The following TOX2 variants were observed in gnomAD, a reference collection of about 807,000 sequenced individuals.
TOX2 encodes TOX high mobility group box family member 2.
TOX2 carries 15 observed loss-of-function variants against 47.4 expected under a neutral mutation model. The observed-to-expected ratio is 0.32, with a 90% CI of 0.21 to 0.49. TOX2 has a LOEUF of 0.49. Among genes scored for constraint, TOX2 ranks in the 20% least tolerant of loss-of-function variants. The probability of loss-of-function intolerance (pLI) is 0.99; values close to 1 mark genes in which losing one functional copy is unlikely to be tolerated. For missense variants in TOX2, 622 were observed against 673.1 expected (o/e 0.92, Z 0.84); for synonymous variants, 290 against 296.6 (o/e 0.98, Z 0.23).
intron 1 of TOX2, among the ~76,000 whole-genome samples, chr20:43,951,728 T>TTTTTTTTTTTTTTTTTTTTTTTTG (rs1344889572): frequency 2.1e-5 from 3 of 144,040 alleles, no homozygotes; most frequent in South Asian, 2.3e-4. Context: ...TTTTTTTTTT[T>TTTTTTTTTTTTTTTTTTTTTTTTG]AGAGAAAGGG....
rs369127109 is a variant in TOX2 at position 43,927,638 on chromosome 20, TCCTCC to T, written c.99+12652_99+12656del. ...CTTCCTTCCTTCCTCCTTCCTTCCT[TCCTCC>T]CCTTCCCTTCCCTTCCCCTTCCTTC... On this transcript the variant is annotated intron_variant, in intron 1 of 8. Coordinates refer to ENST00000341197, the MANE Select transcript of TOX2 (RefSeq NM_001098797.2). Among the ~76,000 whole-genome samples the T allele has an allele frequency of 4.1e-4, 50 of 122,604 alleles. 1 individual carries two copies. The highest frequency in any genetic ancestry group is 1.2e-3 in the East Asian group (4 of 3,216). The allele number at this position is 122,604 out of a possible 152,430, so 80.4% of individuals were successfully genotyped here.
At position 44,069,006 on chromosome 20, in the gene TOX2, G is replaced by GC; in HGVS notation, c.*323dup. 2.1e-6 allele frequency: 1 copy of GC among 484,316 alleles called. No individual in the cohort carries two copies. 30.0% of individuals were successfully genotyped at this position (484,316 alleles called of 1,614,324 possible). A position where few individuals can be genotyped will look rare whatever the true frequency, so the allele number is the denominator to read the frequency against. ...ACACCCGGCCCCAGCTCCAGCCCCA[G>GC]CCCAGGTGGGCCGCCCCTGGCGGGG... On this transcript the variant is annotated 3_prime_UTR_variant, in exon 9 of 9. Coordinates refer to ENST00000341197, the MANE Select transcript of TOX2 (RefSeq NM_001098797.2).
At chr20:43,942,686 A>G (rs569213073) in intron 1 of TOX2, among the ~76,000 whole-genome samples, 20 of 151,550 alleles carry the variant, frequency 1.3e-4, no homozygotes, top group Non-Finnish European at 2.5e-4. Flanking sequence ...ACCCTGTCTC[A>G]ATAAATAAAT....
At chr20:43,968,007 G>A (rs1004568499) in intron 1 of TOX2, among the ~76,000 whole-genome samples, 9 of 152,160 alleles carry the variant, frequency 5.9e-5, no homozygotes, top group African/African-American at 2.2e-4. Flanking sequence ...AATTACATAT[G>A]TGGGTCACAT....
At chr20:44,027,198 G>A (rs951046666) in intron 3 of TOX2, among the ~76,000 whole-genome samples, 25 of 151,932 alleles carry the variant, frequency 1.6e-4, no homozygotes, top group African/African-American at 5.8e-4. Context: ...ATCAGCTTCA[G>A]AGAATTTATA....
chr20:44,066,638 C>T, intron 7 of TOX2, 92 bp from the exon 8 acceptor site: 2 of 1,598,988 alleles, frequency 1.3e-6, no homozygotes, highest in Admixed American at 1.7e-5. Flanking sequence ...TGTGGACACC[C>T]TTGGACACAT....
At chr20:44,003,370 G>C (rs866231635) in intron 2 of TOX2, among the ~76,000 whole-genome samples, 1 of 151,332 alleles carries the variant, frequency 6.6e-6, no homozygotes, top group Non-Finnish European at 1.5e-5. Context: ...ATTTTTTTTT[G>C]TAGAGATGGG....
chr20:43,979,474 T>C (rs2070135290), intron 2 of TOX2, among the ~76,000 whole-genome samples: 1 of 152,118 alleles, frequency 6.6e-6, no homozygotes, highest in Non-Finnish European at 1.5e-5. Flanking sequence ...GTGAAAAGGA[T>C]GTTGGATCCA....
chr20:44,065,666 T>C (rs1160515442), intron 6 of TOX2, 46 bp from the exon 7 acceptor site: 1 of 1,534,614 alleles, frequency 6.5e-7, no homozygotes, highest in Non-Finnish European at 8.8e-7. Flanking sequence ...ATGTTCTGGC[T>C]CATCCCTCTT....
At chr20:44,002,656 G>A (rs1395842833) in intron 2 of TOX2, among the ~76,000 whole-genome samples, 2 of 152,172 alleles carry the variant, frequency 1.3e-5, no homozygotes, top group South Asian at 2.1e-4. Context: ...TCTGCAGGCT[G>A]TATCAGCATG....
chr20:44,031,703 C>G (rs868036950), intron 3 of TOX2, among the ~76,000 whole-genome samples: 1 of 151,954 alleles, frequency 6.6e-6, no homozygotes, highest in Non-Finnish European at 1.5e-5. Context: ...TTACCATAGG[C>G]CAGGAAAATG....
At chr20:44,044,665 G>A (rs540559240) in intron 3 of TOX2, among the ~76,000 whole-genome samples, 2 of 152,188 alleles carry the variant, frequency 1.3e-5, no homozygotes, top group Admixed American at 1.3e-4. Flanking sequence ...CGGAACCCTT[G>A]TGTGTTGCTG....
chr20:44,045,140 G>GA (rs1325591747), intron 3 of TOX2, among the ~76,000 whole-genome samples: 13 of 152,166 alleles, frequency 8.5e-5, no homozygotes, highest in African/African-American at 3.1e-4. Context: ...ATTTACTAGG[G>GA]ATGGAGTGTC....
intron 1 of TOX2, among the ~76,000 whole-genome samples, chr20:43,957,568 T>TTG (rs1555833156): frequency 1.1e-5 from 1 of 90,938 alleles, no homozygotes; most frequent in East Asian, 2.9e-4. Flanking sequence ...AAATGCCCTC[T>TTG]TTTTTTTTTT....
chr20:44,019,222 A>G (rs750599735), intron 3 of TOX2, among the ~76,000 whole-genome samples: 27 of 152,242 alleles, frequency 1.8e-4, no homozygotes, highest in Admixed American at 4.6e-4. Flanking sequence ...TCTGTCTTAC[A>G]CAGCAGTCTG....
chr20:43,999,243 ATAGT>A (rs1214935920), intron 2 of TOX2, among the ~76,000 whole-genome samples: 2 of 152,150 alleles, frequency 1.3e-5, no homozygotes, highest in Non-Finnish European at 2.9e-5. Flanking sequence ...ATTATGTTTG[ATAGT>A]TCACTCCTGT....
chr20:44,001,340 T>C lies in TOX2; in HGVS notation c.166-5207T>C, dbSNP rs557449095. ...TAATCACTTCTCTACAGAACACATA[T>C]GAACTAAATGGAGAAGGTACATGGA... On this transcript the variant is annotated intron_variant, in intron 2 of 8. Coordinates refer to ENST00000341197, the MANE Select transcript of TOX2 (RefSeq NM_001098797.2). 3.7e-4 allele frequency among the ~76,000 whole-genome samples: 56 copies of C among 152,312 alleles called. 1 individual carries two copies. Among genetic ancestry groups the C allele is most frequent in the Middle Eastern group, 3.4e-3 (1 of 294 alleles).
At chr20:44,066,675 C>T (rs1226795864) in intron 7 of TOX2, 55 bp from the exon 8 acceptor site, 62 of 1,612,856 alleles carry the variant, frequency 3.8e-5, no homozygotes, top group Non-Finnish European at 4.5e-5. Context: ...AGGCCTGGGA[C>T]AGTCTGCCCC....
At chr20:44,012,568 A>G (rs945575338) in intron 3 of TOX2, among the ~76,000 whole-genome samples, 9 of 152,156 alleles carry the variant, frequency 5.9e-5, no homozygotes, top group African/African-American at 2.2e-4. Flanking sequence ...ATGCAGTGTC[A>G]TTCATGCATT....
Sources: gnomAD v4.1 joint callset for allele counts (sites outside exome capture counted in the v4.1 genomes callset) on GRCh38, gnomAD v4.1.1 for gene constraint, MANE v1.5 for transcripts, NCBI Gene and HGNC (gene_info 2026-07-23, HGNC 2026-07-21) for gene names.